MPP7: variants seen among roughly 807,000 people sequenced by gnomAD.
MPP7 encodes the protein MAGUK p55 scaffold protein 7, also known as MAGUK p55 subfamily member 7.
MPP7 carries 60 observed loss-of-function variants against 76.5 expected under a neutral mutation model. The observed-to-expected ratio is 0.78, with a 90% CI of 0.64 to 0.97. The LOEUF (loss-of-function observed/expected upper bound fraction) is 0.97, where lower values mean the gene tolerates loss of function less well. MPP7 is among the 50% of genes least tolerant of loss of function. MPP7 has a pLI of 0.00. For synonymous variants in MPP7, 237 were observed against 244.5 expected, an observed-to-expected ratio of 0.97 and a Z score of 0.29; for missense variants, 641 against 694.0, an observed-to-expected ratio of 0.92 and a Z score of 0.86.
At chr10:28,176,939 A>C (rs1588887304) in intron 3 of MPP7, among the ~76,000 whole-genome samples, 1 of 151,042 alleles carries the variant, frequency 6.6e-6, no homozygotes, top group African/African-American at 2.4e-5. Flanking sequence ...TGATGAGTTA[A>C]TGGGTGCAGC....
chr10:28,268,494 G>A (rs995911039), intron 1 of MPP7, among the ~76,000 whole-genome samples: 7 of 152,116 alleles, frequency 4.6e-5, no homozygotes, highest in African/African-American at 1.4e-4. Flanking sequence ...CACTTTGGGA[G>A]GCCAAGGCAC....
At chr10:28,293,652 G>C (rs1055224411) in intron 1 of MPP7, among the ~76,000 whole-genome samples, 1 of 152,136 alleles carries the variant, frequency 6.6e-6, no homozygotes, top group African/African-American at 2.4e-5. Flanking sequence ...ACTCCAGTCC[G>C]AGCCCCTGAG....
intron 1 of MPP7, among the ~76,000 whole-genome samples, chr10:28,241,318 T>C (rs1839261380): frequency 1.3e-5 from 2 of 152,168 alleles, no homozygotes; most frequent in Admixed American, 6.5e-5. Context: ...CAAGGTTAAA[T>C]TTTTCCAAAG....
At chr10:28,149,904 T>TG in intron 4 of MPP7, 78 bp downstream of exon 4, 1 of 961,058 alleles carries the variant, frequency 1.0e-6, no homozygotes, top group Non-Finnish European at 1.6e-6. Flanking sequence ...CACACGCATC[T>TG]GTCTGCACTA....
At position 28,104,795 on chromosome 10, in the gene MPP7, C is replaced by T. The variant is rs554959969; in HGVS notation, c.952+14856G>A. On this transcript the variant is annotated intron_variant, in intron 11 of 16. Transcript: ENST00000683449. ...GTATGACTCTCTTCTCAGGTACCCT[C>T]CTAGGTTTCCTAATCTTGGTGGTAT... is the stretch of plus-strand genomic sequence containing the variant. Among the ~76,000 whole-genome samples, 66 of 152,158 alleles carry T rather than the reference C, an allele frequency of 4.3e-4. 1 individual carries two copies. Among genetic ancestry groups the T allele is most frequent in the African/African-American group, 1.4e-3 (59 of 41,514 alleles).
At chr10:28,110,980 G>A (rs752233063) in intron 11 of MPP7, among the ~76,000 whole-genome samples, 25 of 152,100 alleles carry the variant, frequency 1.6e-4, no homozygotes, top group East Asian at 7.7e-4. Context: ...GTATTGTAAC[G>A]TCAAGATGGA....
chr10:28,295,397 C>T (rs1187040281), intron 1 of MPP7, among the ~76,000 whole-genome samples: 1 of 152,122 alleles, frequency 6.6e-6, no homozygotes, highest in East Asian at 1.9e-4. Flanking sequence ...TCTGAACTCA[C>T]TCTTCAGAAG....
At chr10:28,283,259 G>C (rs1042290369) in intron 1 of MPP7, among the ~76,000 whole-genome samples, 6 of 151,996 alleles carry the variant, frequency 3.9e-5, no homozygotes, top group African/African-American at 1.5e-4. Flanking sequence ...CTGATGTATA[G>C]GAGAATGGGT....
At chr10:28,206,654 A>C (rs1172148627) in intron 2 of MPP7, among the ~76,000 whole-genome samples, 1 of 152,164 alleles carries the variant, frequency 6.6e-6, no homozygotes, top group Non-Finnish European at 1.5e-5. Context: ...TTTAAATTTC[A>C]GAGTTAAAAT....
chr10:28,094,412 A>G (rs1323732403), intron 11 of MPP7, among the ~76,000 whole-genome samples: 2 of 152,176 alleles, frequency 1.3e-5, no homozygotes, highest in African/African-American at 4.8e-5. Context: ...CACAAGGCTC[A>G]TTTCCTCTAC....
chr10:28,069,081 T>A (rs1852105166), intron 13 of MPP7, among the ~76,000 whole-genome samples: 2 of 152,138 alleles, frequency 1.3e-5, no homozygotes, highest in Non-Finnish European at 2.9e-5. Context: ...CCATACGTGC[T>A]TGGTAAGTAC....
intron 3 of MPP7, among the ~76,000 whole-genome samples, chr10:28,173,495 G>A (rs1418845508): frequency 6.6e-6 from 1 of 152,164 alleles, no homozygotes; most frequent in Non-Finnish European, 1.5e-5. Context: ...AGTAACATGA[G>A]GCATTTCTAT....
chr10:28,143,298 G>A (rs940359791), intron 5 of MPP7, among the ~76,000 whole-genome samples: 7 of 152,210 alleles, frequency 4.6e-5, no homozygotes, highest in Middle Eastern at 6.8e-3. Flanking sequence ...ATATGCATCC[G>A]CACTAATAAA....
At position 28,087,847 on chromosome 10, in the gene MPP7, T is replaced by C. The variant is rs117860004; in HGVS notation, c.1123+1824A>G. Among the ~76,000 whole-genome samples the C allele has an allele frequency of 2.3e-4, 35 of 152,200 alleles. 1 individual carries two copies. The East Asian group carries it at 5.2e-3, about 23-fold the overall frequency. The stretch of plus-strand genomic sequence containing the variant: ...GAGCAGGAGGTCTCAGGTAGCCCCA[T>C]TGAGCTGGGAAATGCATGTTCTCTC... On this transcript the variant is annotated intron_variant, in intron 12 of 16. Transcript: ENST00000683449.
At chr10:28,066,724 T>G (rs1026105320) in intron 13 of MPP7, among the ~76,000 whole-genome samples, 1 of 152,226 alleles carries the variant, frequency 6.6e-6, no homozygotes, top group Non-Finnish European at 1.5e-5. Context: ...ACAGCACACA[T>G]GAATGTTGCC....
At chr10:28,155,612 AAG>A (rs1477194991) in intron 3 of MPP7, among the ~76,000 whole-genome samples, 5 of 150,428 alleles carry the variant, frequency 3.3e-5, no homozygotes, top group African/African-American at 7.5e-5. Flanking sequence ...AAAAAAAAGA[AAG>A]AAAAAGAAAA....
intron 3 of MPP7, among the ~76,000 whole-genome samples, chr10:28,188,516 A>G (rs1329584609): frequency 6.6e-6 from 1 of 152,194 alleles, no homozygotes; most frequent in African/African-American, 2.4e-5. Context: ...GGGGAAAAGA[A>G]AAAAGATTAA....
In MPP7 at chr10:28,053,872, G is replaced by C. The variant is rs747858725; in HGVS notation, c.*193C>G. On this transcript the variant is annotated 3_prime_UTR_variant, in exon 17 of 17. Transcript: ENST00000683449. ...TAGAATACAGTACTGTGCATATTTT[G>C]ATTTCGGATCTTATACTAACACATG... The C allele has an allele frequency of 4.8e-5, 29 of 602,322 alleles. No homozygotes were observed. Among genetic ancestry groups the C allele is most frequent in the Non-Finnish European group, 7.0e-5 (24 of 343,416 alleles). The allele number at this position is 602,322 out of a possible 1,614,324, so 37.3% of individuals were successfully genotyped here. A position where few individuals can be genotyped will look rare whatever the true frequency, so the allele number is the denominator to read the frequency against.
intron 11 of MPP7, among the ~76,000 whole-genome samples, chr10:28,109,867 A>AAAAAAAAAC (rs1834447582): frequency 1.3e-5 from 2 of 149,438 alleles, no homozygotes; most frequent in African/African-American, 4.9e-5. Context: ...AAAAAAAAAA[A>AAAAAAAAAC]AAAAAACACT....
Sources: gnomAD v4.1 joint callset for allele counts (sites outside exome capture counted in the v4.1 genomes callset) on GRCh38, gnomAD v4.1.1 for gene constraint, MANE v1.5 for transcripts, NCBI Gene and HGNC (gene_info 2026-07-23, HGNC 2026-07-21) for gene names.